GRM5: variants seen among roughly 807,000 people sequenced by gnomAD.
GRM5 encodes the protein glutamate metabotropic receptor 5.
Under a neutral mutation model 83.1 loss-of-function variants are expected in GRM5, and 19 were observed. That is an observed-to-expected ratio of 0.23 (90% CI 0.16 to 0.34). The LOEUF (loss-of-function observed/expected upper bound fraction) is 0.34, where lower values mean the gene tolerates loss of function less well. Ranked by LOEUF, GRM5 falls within the 10% of genes least tolerant of loss-of-function variation. The pLI, the probability that GRM5 is intolerant of heterozygous loss-of-function variation, is 1.00. For missense variants in GRM5, 1,160 were observed against 1,588.3 expected, an observed-to-expected ratio of 0.73 and a Z score of 4.58; for synonymous variants, 675 against 633.6, an observed-to-expected ratio of 1.07 and a Z score of -0.98.
chr11:88,559,454 C>T (rs967779425), intron 8 of GRM5, among the ~76,000 whole-genome samples: 7 of 152,154 alleles, frequency 4.6e-5, no homozygotes, highest in African/African-American at 1.2e-4. Context: ...ATGGGGAAGT[C>T]AATTAGCTTC....
intron 2 of GRM5, among the ~76,000 whole-genome samples, chr11:88,897,271 T>C (rs572400556): frequency 3.3e-4 from 50 of 152,080 alleles, no homozygotes; most frequent in African/African-American, 1.2e-3. Context: ...AATTTTGATA[T>C]AAATATTCAT....
At chr11:88,569,073 T>C (rs1466881036) in intron 7 of GRM5, among the ~76,000 whole-genome samples, 1 of 152,212 alleles carries the variant, frequency 6.6e-6, no homozygotes, top group Non-Finnish European at 1.5e-5. Flanking sequence ...CACACTAGAA[T>C]CACCAAGACT....
intron 2 of GRM5, among the ~76,000 whole-genome samples, chr11:88,882,244 G>C (rs201155552): frequency 6.0e-5 from 2 of 33,070 alleles, no homozygotes; most frequent in South Asian, 4.4e-3. Flanking sequence ...ATCAAAATAA[G>C]TAAGTAAATA....
chr11:88,812,561 A>G (rs1173644054), intron 3 of GRM5, among the ~76,000 whole-genome samples: 1 of 152,118 alleles, frequency 6.6e-6, no homozygotes, highest in Non-Finnish European at 1.5e-5. Flanking sequence ...TAAGACAAGG[A>G]GATGTTATTT....
intron 1 of GRM5, among the ~76,000 whole-genome samples, chr11:89,064,854 TTCTC>T (rs144985912): frequency 0.017 from 787 of 45,932 alleles, 16 homozygotes; most frequent in East Asian, 0.04. Flanking sequence ...ATTTTTCATA[TTCTC>T]TCTCTCTCTC....
At chr11:88,688,447 A>AG (rs1264993956) in intron 3 of GRM5, among the ~76,000 whole-genome samples, 2 of 152,210 alleles carry the variant, frequency 1.3e-5, no homozygotes, top group Non-Finnish European at 2.9e-5. Context: ...ATAAGAACTG[A>AG]GAAAAATATA....
At chr11:88,544,953 G>A (rs1467197093) in intron 8 of GRM5, among the ~76,000 whole-genome samples, 1 of 152,150 alleles carries the variant, frequency 6.6e-6, no homozygotes, top group Non-Finnish European at 1.5e-5. Flanking sequence ...TCTATTTGAC[G>A]AATGAACATT....
intron 2 of GRM5, among the ~76,000 whole-genome samples, chr11:88,860,239 G>C (rs1397842081): frequency 6.6e-6 from 1 of 151,934 alleles, no homozygotes; most frequent in Admixed American, 6.6e-5. Context: ...ATTCTTCCTA[G>C]AGGAAAATAA....
intron 2 of GRM5, among the ~76,000 whole-genome samples, chr11:89,033,861 G>GA (rs1195428213): frequency 2.0e-5 from 3 of 151,290 alleles, no homozygotes; most frequent in Admixed American, 6.6e-5. Context: ...CTAAGACTCA[G>GA]AAAAAAACAG....
chr11:88,767,626 A>G (rs1258410333), intron 3 of GRM5, among the ~76,000 whole-genome samples: 1 of 152,038 alleles, frequency 6.6e-6, no homozygotes, highest in Non-Finnish European at 1.5e-5. Context: ...CTAAACAACA[A>G]GAACACATGG....
chr11:88,907,669 T>G (rs1945428531), intron 2 of GRM5, among the ~76,000 whole-genome samples: 1 of 152,182 alleles, frequency 6.6e-6, no homozygotes, highest in African/African-American at 2.4e-5. Flanking sequence ...AACTTAATCG[T>G]GAACACCAGA....
intron 3 of GRM5, among the ~76,000 whole-genome samples, chr11:88,790,220 T>A (rs1943148017): frequency 6.6e-6 from 1 of 152,162 alleles, no homozygotes; most frequent in Admixed American, 6.6e-5. Flanking sequence ...TTGCTCTAAA[T>A]CCATATTTTC....
At chr11:89,064,948 G>GATAT (rs1376700503) in intron 1 of GRM5, among the ~76,000 whole-genome samples, 53 of 110,890 alleles carry the variant, frequency 4.8e-4, no homozygotes, top group African/African-American at 1.7e-3. Context: ...GAGGGAGAGA[G>GATAT]AGATATTATT....
chr11:88,523,591 C>T (rs986622720), intron 9 of GRM5, among the ~76,000 whole-genome samples: 1 of 152,136 alleles, frequency 6.6e-6, no homozygotes, highest in Non-Finnish European at 1.5e-5. Flanking sequence ...GGATTGTAGG[C>T]ATAAGGCCAT....
chr11:88,656,750 A>G (rs746360819), intron 3 of GRM5, among the ~76,000 whole-genome samples: 23 of 152,166 alleles, frequency 1.5e-4, no homozygotes, highest in Non-Finnish European at 2.9e-4. Context: ...CACAGATTTC[A>G]TCAATAATTA....
rs73537571 is a variant in GRM5, at chr11:88,769,210, T to C, written c.911+80696A>G. Among the ~76,000 whole-genome samples, 861 of 152,148 alleles carry C rather than the reference T, an allele frequency of 5.7e-3. 15 individuals carry two copies. The highest frequency in any genetic ancestry group is 0.02 in the African/African-American group (830 of 41,546). ...CACTTCTGGAGTGGGAATTTGTGGATTGGCATGGTGAGGAGATGAGATTGA... is the reference window on the plus strand; with the variant it reads ...CACTTCTGGAGTGGGAATTTGTGGACTGGCATGGTGAGGAGATGAGATTGA... On this transcript the variant is annotated intron_variant, in intron 3 of 9. Transcript: ENST00000305447.
intron 8 of GRM5, among the ~76,000 whole-genome samples, chr11:88,527,339 C>A (rs974392475): frequency 1.3e-5 from 2 of 152,112 alleles, no homozygotes; most frequent in African/African-American, 4.8e-5. Context: ...AGTCTTCATG[C>A]TTATAAGCTC....
chr11:88,862,759 G>C (rs1009601888), intron 2 of GRM5, among the ~76,000 whole-genome samples: 1 of 151,946 alleles, frequency 6.6e-6, no homozygotes, highest in African/African-American at 2.4e-5. Flanking sequence ...CATCACCTAG[G>C]TATTAAGCCC....
In GRM5 at chr11:88,597,194, C is replaced by G. The variant is rs1280971681; in HGVS notation, c.1553G>C (p.Gly518Ala). Residue 518 changes from glycine to alanine, a missense_variant, in exon 6 of 10, where the codon GGC becomes GCC. Around this residue, in one of 9 missense-constraint regions of GRM5, gnomAD observed 132 missense variants for 245.5 expected, o/e 0.54. Coordinates refer to ENST00000305447, the MANE Select transcript of GRM5 (RefSeq NM_001143831.3). Reference protein sequence around the residue: ...RSVCSEPCEKGQIKVIRKGEV... With the variant: ...RSVCSEPCEKAQIKVIRKGEV... Reference sequence around the variant, plus strand: ...TAGATTCCATTTTACCTTGATCTGGCCTTTCTCACATGGTTCACTGCACAC... The same window carrying G: ...TAGATTCCATTTTACCTTGATCTGGGCTTTCTCACATGGTTCACTGCACAC... 1 of 1,566,528 alleles carries G rather than the reference C, an allele frequency of 6.4e-7. No individual in the cohort carries two copies. Among genetic ancestry groups the G allele is most frequent in the South Asian group, 1.2e-5 (1 of 82,304 alleles).
Sources: gnomAD v4.1 joint callset for allele counts (sites outside exome capture counted in the v4.1 genomes callset) on GRCh38, gnomAD v4.1.1 for gene constraint, gnomAD v4.1.1 regional missense constraint, MANE v1.5 for transcripts, NCBI Gene and HGNC (gene_info 2026-07-23, HGNC 2026-07-21) for gene names.